The following PANK3 variants were observed in gnomAD, a reference collection of about 807,000 sequenced individuals.
The protein encoded by PANK3 is pantothenate kinase 3.
In PANK3, 20 loss-of-function variants were observed where a neutral mutation model predicts 39.4. The observed-to-expected ratio is 0.51, with a 90% CI of 0.36 to 0.74. The LOEUF (loss-of-function observed/expected upper bound fraction) is 0.74. Among genes scored for constraint, PANK3 ranks in the 30% least tolerant of loss-of-function variants. PANK3 has a pLI of 0.00. For missense variants in PANK3, 265 were observed against 437.0 expected (o/e 0.61, Z 3.51); for synonymous variants, 140 against 157.3 (o/e 0.89, Z 0.82).
At position 168,551,793 on chromosome 5, in the gene PANK3, TTA is replaced by T. The variant is rs1486827635; in HGVS notation, c.*5776_*5777del. On this transcript the variant is annotated 3_prime_UTR_variant, in exon 7 of 7. Transcript: ENST00000239231. ...AAAAGAAAAAAAACCTCAGAAATTT[TTA>T]TAGAGTCTAATATTTGGCAAATAAT... 3.3e-5 allele frequency: 5 copies of T among 152,184 alleles called. No homozygotes were observed. Among genetic ancestry groups the T allele is most frequent in the Admixed American group, 3.3e-4 (5 of 15,266 alleles). 9.4% of individuals were successfully genotyped at this position (152,184 alleles called of 1,614,324 possible). A position where few individuals can be genotyped will look rare whatever the true frequency, so the allele number is the denominator to read the frequency against.
At chr5:168,570,851 G>A (rs1408988747) in intron 1 of PANK3, among the ~76,000 whole-genome samples, 5 of 152,232 alleles carry the variant, frequency 3.3e-5, no homozygotes, top group Middle Eastern at 3.4e-3. Context: ...CAGTGTACAG[G>A]ATAATATAAA....
intron 1 of PANK3, among the ~76,000 whole-genome samples, chr5:168,575,059 T>C (rs1759710926): frequency 6.6e-6 from 1 of 151,762 alleles, no homozygotes; most frequent in South Asian, 2.1e-4. Flanking sequence ...AGAACCAAAA[T>C]ACACATTTAA....
At chr5:168,573,852 C>A (rs1025590275) in intron 1 of PANK3, among the ~76,000 whole-genome samples, 18 of 151,964 alleles carry the variant, frequency 1.2e-4, no homozygotes, top group African/African-American at 4.1e-4. Context: ...TGAACTCATC[C>A]TTTTTTATGG....
At chr5:168,557,825 TTTATTA>T (rs914505909) in intron 6 of PANK3, among the ~76,000 whole-genome samples, 8 of 152,210 alleles carry the variant, frequency 5.3e-5, no homozygotes, top group African/African-American at 9.7e-5. Context: ...TGTATTTTTA[TTTATTA>T]TTATTATTTT....
rs1215013032 is a variant in PANK3, at chr5:168,556,707, A to C, written c.*864T>G. On this transcript the variant is annotated 3_prime_UTR_variant, in exon 7 of 7. Coordinates refer to ENST00000239231, the MANE Select transcript of PANK3 (RefSeq NM_024594.4). ...GTGAATATTTACAGATGAATTTTCT[A>C]TTATTAATGTTATTGTGGTTGTTTT... is the stretch of plus-strand genomic sequence containing the variant. The C allele has an allele frequency of 6.6e-6, 1 of 152,646 alleles. No individual in the cohort carries two copies. The allele number at this position is 152,646 out of a possible 1,614,324, so 9.5% of individuals were successfully genotyped here.
chr5:168,570,109 G>A (rs548146000), intron 1 of PANK3, among the ~76,000 whole-genome samples: 1 of 152,238 alleles, frequency 6.6e-6, no homozygotes, highest in South Asian at 2.1e-4. Context: ...CAGGCCGGGC[G>A]CGGTGGCTTA....
At chr5:168,564,174 T>C in intron 3 of PANK3, 109 bp from the exon 4 acceptor site, 15 of 966,090 alleles carry the variant, frequency 1.6e-5, no homozygotes, top group Non-Finnish European at 2.0e-5. Flanking sequence ...AAAAAAAACC[T>C]ATGACTAATG....
intron 4 of PANK3, among the ~76,000 whole-genome samples, chr5:168,561,833 T>G (rs1250519520): frequency 6.6e-6 from 1 of 152,182 alleles, no homozygotes; most frequent in East Asian, 1.9e-4. Flanking sequence ...TCCAAAAGTA[T>G]CTCAGCTTTA....
rs371103974 is a variant in PANK3 at position 168,565,166 on chromosome 5, T to TTA, written c.635+845_635+846dup. ...AAATAAAGTACTAATTAAGTATAAT[T>TTA]TAAACAGAATTACTACTTTAAAATT... On this transcript the variant is annotated intron_variant, in intron 3 of 6. Coordinates refer to ENST00000239231, the MANE Select transcript of PANK3 (RefSeq NM_024594.4). Among the ~76,000 whole-genome samples, 597 of 152,310 alleles carry TTA rather than the reference T, an allele frequency of 3.9e-3. 3 individuals are homozygous for TTA. The highest frequency in any genetic ancestry group is 0.013 in the African/African-American group (555 of 41,576).
chr5:168,558,328 T>C (rs933531084), intron 6 of PANK3, among the ~76,000 whole-genome samples: 1 of 150,808 alleles, frequency 6.6e-6, no homozygotes, highest in African/African-American at 2.4e-5. Flanking sequence ...GCCCGGCTAA[T>C]TTTTTTTTGT....
intron 1 of PANK3, among the ~76,000 whole-genome samples, chr5:168,571,161 C>T (rs1473519378): frequency 2.6e-5 from 4 of 152,128 alleles, no homozygotes; most frequent in Non-Finnish European, 4.4e-5. Flanking sequence ...AGTTTTACAA[C>T]GTGATTTCCT....
chr5:168,569,392 C>T (rs1372273829), intron 1 of PANK3, among the ~76,000 whole-genome samples: 3 of 151,150 alleles, frequency 2.0e-5, no homozygotes, highest in Non-Finnish European at 4.4e-5. Context: ...CGGGGTTTCA[C>T]CGTGTTAGCC....
At chr5:168,576,790 CAA>C (rs5873115) in intron 1 of PANK3, among the ~76,000 whole-genome samples, 360 of 151,506 alleles carry the variant, frequency 2.4e-3, no homozygotes, top group Non-Finnish European at 4.4e-3. Flanking sequence ...TTAATTATGC[CAA>C]AAAAAACCCC....
chr5:168,553,841 C>G lies in PANK3; in HGVS notation c.*3730G>C, dbSNP rs768120749. On this transcript the variant is annotated 3_prime_UTR_variant, in exon 7 of 7. Coordinates refer to ENST00000239231, the MANE Select transcript of PANK3 (RefSeq NM_024594.4). ...CTCATCATTACAGCATCTCTGCATT[C>G]TTGCTTTACCACATTTATCTCAGGC... 7.9e-5 allele frequency: 12 copies of G among 152,436 alleles called. No homozygotes were observed. Among genetic ancestry groups the G allele is most frequent in the Non-Finnish European group, 1.6e-4 (11 of 68,220 alleles). The allele number at this position is 152,436 out of a possible 1,614,324, so 9.4% of individuals were successfully genotyped here. A position where few individuals can be genotyped will look rare whatever the true frequency, so the allele number is the denominator to read the frequency against.
At chr5:168,557,809 G>C (rs112250381) in intron 6 of PANK3, among the ~76,000 whole-genome samples, 188 bp from the exon 7 acceptor site, 40 of 152,248 alleles carry the variant, frequency 2.6e-4, no homozygotes, top group African/African-American at 9.1e-4. Flanking sequence ...ACACACCTTT[G>C]AAATATGTAT....
intron 2 of PANK3, 94 bp downstream of exon 2, chr5:168,568,552 T>C: frequency 1.0e-6 from 1 of 953,758 alleles, no homozygotes; most frequent in Non-Finnish European, 1.6e-6. Context: ...TCCCACTGCA[T>C]GTGCAGGGAG....
At position 168,561,373 on chromosome 5, in the gene PANK3, T is replaced by C. The variant is rs746401152; in HGVS notation, c.936+20A>G. The C allele has an allele frequency of 3.2e-6, 5 of 1,561,782 alleles. No homozygotes were observed. The highest frequency in any genetic ancestry group is 3.5e-6 in the Non-Finnish European group (4 of 1,158,850). On this transcript the variant is annotated intron_variant, in intron 5 of 6. Transcript: ENST00000239231. ...TTCACATTTTTGATAATTCAAGTTT[T>C]GTGTTTTTTGTTTTTTTACCTCATT...
chr5:168,567,619 G>A (rs570389835), intron 2 of PANK3, among the ~76,000 whole-genome samples: 3 of 152,102 alleles, frequency 2.0e-5, no homozygotes, highest in African/African-American at 7.2e-5. Context: ...AGCCATTTAA[G>A]TTATTTATAT....
intron 1 of PANK3, among the ~76,000 whole-genome samples, chr5:168,572,110 CTTTTTTTTTTTT>C (rs34970571): frequency 9.9e-6 from 1 of 101,302 alleles, no homozygotes; most frequent in Non-Finnish European, 2.0e-5. Context: ...CAACATAGGC[CTTTTTTTTTTTT>C]TTTTTTTTTG....
Sources: gnomAD v4.1 joint callset for allele counts (sites outside exome capture counted in the v4.1 genomes callset) on GRCh38, gnomAD v4.1.1 for gene constraint, MANE v1.5 for transcripts, NCBI Gene and HGNC (gene_info 2026-07-23, HGNC 2026-07-21) for gene names.